Variants in MYO16 observed in about 807,000 individuals in gnomAD.
MYO16 encodes the protein unconventional myosin-XVI.
MYO16 carries 94 observed loss-of-function variants against 205.3 expected under a neutral mutation model. That is an observed-to-expected ratio of 0.46 (90% CI 0.39 to 0.54). MYO16 has a LOEUF of 0.54. Among genes scored for constraint, MYO16 ranks in the 20% least tolerant of loss-of-function variants. The pLI is 0.00. For missense variants in MYO16, 2,315 were observed against 2,387.5 expected, an observed-to-expected ratio of 0.97 and a Z score of 0.63; for synonymous variants, 988 against 954.0, an observed-to-expected ratio of 1.04 and a Z score of -0.66.
At chr13:108,988,723 C>T (rs916550025) in intron 20 of MYO16, among the ~76,000 whole-genome samples, 1 of 152,106 alleles carries the variant, frequency 6.6e-6, no homozygotes, top group Non-Finnish European at 1.5e-5. Flanking sequence ...GCTCTTTTCC[C>T]TAAATTCTAT....
intron 20 of MYO16, among the ~76,000 whole-genome samples, chr13:108,990,945 G>A (rs1176561950): frequency 3.9e-5 from 6 of 152,044 alleles, no homozygotes; most frequent in South Asian, 2.1e-4. Flanking sequence ...TTGTTCTGCC[G>A]TTTGGAAAAA....
Position 109,100,793 on chromosome 13 carries a change from C to T in MYO16, c.3344C>T (p.Pro1115Leu), listed in dbSNP as rs528141862. Residue 1115 changes from proline (P) to leucine (L), a missense_variant, in exon 28 of 35, where the codon CCA (proline) becomes CTA (leucine). Coordinates refer to ENST00000457511, the MANE Select transcript of MYO16 (RefSeq NM_001198950.3). ...TCTGCTGCTTTTCACAGGTATAAGC[C>T]ACTGGCTGATACATTCCTGCGTGAG... ...SFSDFLSRYKPLADTFLREKK... is the reference protein window; with the variant it reads ...SFSDFLSRYKLLADTFLREKK... 8 of 1,612,234 alleles carry T rather than the reference C, an allele frequency of 5.0e-6. No individual in the cohort carries two copies. In the South Asian group the frequency reaches 7.7e-5, roughly 16 times the overall value.
intron 4 of MYO16, among the ~76,000 whole-genome samples, chr13:108,731,905 A>C (rs1884535235): frequency 6.6e-6 from 1 of 152,242 alleles, no homozygotes; most frequent in Non-Finnish European, 1.5e-5. Flanking sequence ...GAAAACAAAC[A>C]ATGCAATTAA....
chr13:108,502,616 G>A, the MYO16 span, among the ~76,000 whole-genome samples: 1 of 152,090 alleles, frequency 6.6e-6, no homozygotes, highest in African/African-American at 2.4e-5. Context: ...AACCCAGGAG[G>A]CTAAAAACTG....
chr13:108,950,886 A>G (rs1883120283), intron 16 of MYO16, among the ~76,000 whole-genome samples: 2 of 152,338 alleles, frequency 1.3e-5, no homozygotes, highest in South Asian at 2.1e-4. Flanking sequence ...TTAGCCGTAC[A>G]CAGCATGAAT....
chr13:108,903,647 G>C (rs1479196367), intron 15 of MYO16, among the ~76,000 whole-genome samples: 5 of 152,148 alleles, frequency 3.3e-5, no homozygotes, highest in African/African-American at 1.2e-4. Flanking sequence ...AATAGGCACT[G>C]AACACTTTAA....
At position 109,140,140 on chromosome 13, in the gene MYO16, C is replaced by A; in HGVS notation, c.4052-124C>A. On this transcript the variant is annotated intron_variant, in intron 31 of 34. Coordinates refer to ENST00000457511, the MANE Select transcript of MYO16 (RefSeq NM_001198950.3). This position sits in a 1 kb window ranked among gnomAD's most constrained non-coding sequence, Gnocchi z 8.0. Reference sequence around the variant, plus strand: ...GGAGCCTAGTGGGTGGAGGAACATGCAGGCCCGGTCCCTTGGGATTCTCGG... The same window carrying A: ...GGAGCCTAGTGGGTGGAGGAACATGAAGGCCCGGTCCCTTGGGATTCTCGG... The A allele has an allele frequency of 6.9e-7, 1 of 1,457,498 alleles. No homozygotes were observed. Among genetic ancestry groups the A allele is most frequent in the Non-Finnish European group, 9.0e-7 (1 of 1,113,044 alleles). 90.3% of individuals were successfully genotyped at this position (1,457,498 alleles called of 1,614,324 possible). A position where few individuals can be genotyped will look rare whatever the true frequency, so the allele number is the denominator to read the frequency against.
chr13:108,823,449 T>G (rs1352335998), intron 9 of MYO16, among the ~76,000 whole-genome samples, 171 bp downstream of exon 9: 2 of 152,142 alleles, frequency 1.3e-5, no homozygotes, highest in African/African-American at 4.8e-5. Flanking sequence ...TAATTTTATT[T>G]TATAAAAACC....
rs1180845700 is a variant in MYO16, at chr13:108,869,527, A to G, written c.1425+3285A>G. ...ATCACGAGGTCAGGAGATCGAGACC[A>G]TCCTGGCTAACACGATGAAACCCCG... On this transcript the variant is annotated intron_variant, in intron 12 of 34. Transcript: ENST00000457511. Among the ~76,000 whole-genome samples the G allele has an allele frequency of 2.7e-5, 4 of 150,676 alleles. No homozygotes were observed. In the South Asian group the frequency reaches 8.4e-4, roughly 32 times the overall value.
intron 12 of MYO16, among the ~76,000 whole-genome samples, chr13:108,875,383 G>A (rs1879276448): frequency 6.6e-6 from 1 of 152,148 alleles, no homozygotes; most frequent in Admixed American, 6.5e-5. Context: ...AACAGGGACT[G>A]CATAAGTGGA....
At chr13:109,056,321 T>C (rs1236368419) in intron 27 of MYO16, among the ~76,000 whole-genome samples, 1 of 152,156 alleles carries the variant, frequency 6.6e-6, no homozygotes, top group African/African-American at 2.4e-5. Flanking sequence ...CCCAGCCATT[T>C]GCAAGAAGCA....
At chr13:108,630,021 G>A in intron 1 of MYO16, 149 bp downstream of exon 1, 2 of 565,818 alleles carry the variant, frequency 3.5e-6, no homozygotes, top group Admixed American at 2.9e-5. Flanking sequence ...TTTACAGGCT[G>A]GATATATTTC....
rs34317737 is a variant in MYO16 at position 109,127,859 on chromosome 13, TA to T, written c.4051+328del. ...ATGTAAAGGTTCACCAATGAGAAAG[TA>T]AAAAAAAAAAAAAAAAAACTGCTTC... is the stretch of plus-strand genomic sequence containing the variant. On this transcript the variant is annotated intron_variant, in intron 31 of 34. Transcript: ENST00000457511. This position sits in a 1 kb window ranked among gnomAD's most constrained non-coding sequence, Gnocchi z 4.2. Among the ~76,000 whole-genome samples, 97,762 of 132,608 alleles carry T rather than the reference TA, an allele frequency of 0.74. 35,474 individuals are homozygous for T. Among genetic ancestry groups the T allele is most frequent in the East Asian group, 0.84 (3,725 of 4,446 alleles). 87.0% of individuals were successfully genotyped at this position (132,608 alleles called of 152,430 possible).
intron 33 of MYO16, among the ~76,000 whole-genome samples, chr13:109,169,072 G>C (rs1878819633): frequency 6.6e-6 from 1 of 152,120 alleles, no homozygotes; most frequent in South Asian, 2.1e-4. Flanking sequence ...CACACTCTGT[G>C]CCCAAGTGTA....
intron 34 of MYO16, among the ~76,000 whole-genome samples, chr13:109,187,027 T>C (rs2139934479): frequency 6.6e-6 from 1 of 152,348 alleles, no homozygotes; most frequent in South Asian, 2.1e-4. Flanking sequence ...GGTAAACACT[T>C]GGTTTAATTA....
chr13:109,140,573 A>C lies in MYO16; in HGVS notation c.4361A>C (p.Tyr1454Ser). ...PDSPDPGESV[Y>S]EEMKCCLPDD... ...AGCCCGGACCCCGGGGAGTCCGTGT[A>C]CGAGGAGATGAAGTGTTGCCTGCCC... The change falls in exon 32 of 35, where the codon TAC becomes TCC. Residue 1454 changes from tyrosine (Y) to serine (S), a missense_variant. Transcript: ENST00000457511. This position sits in a 1 kb window ranked among gnomAD's most constrained non-coding sequence, Gnocchi z 8.0. The C allele has an allele frequency of 6.5e-7, 1 of 1,535,320 alleles. No individual in the cohort carries two copies. The highest frequency in any genetic ancestry group is 8.7e-7 in the Non-Finnish European group (1 of 1,147,588).
intron 27 of MYO16, among the ~76,000 whole-genome samples, chr13:109,071,234 G>A (rs9301345): frequency 0.5 from 75,986 of 151,788 alleles, 19,027 homozygotes; most frequent in Middle Eastern, 0.55. Context: ...AAATATTTTC[G>A]CATTTATGAC....
At chr13:108,717,423 G>T (rs1594236673) in intron 3 of MYO16, among the ~76,000 whole-genome samples, 1 of 152,040 alleles carries the variant, frequency 6.6e-6, no homozygotes, top group Admixed American at 6.5e-5. Context: ...GAGGTCAGGA[G>T]ATCGAGACCA....
intron 34 of MYO16, among the ~76,000 whole-genome samples, chr13:109,184,820 G>A (rs1879617814): frequency 6.6e-6 from 1 of 151,920 alleles, no homozygotes; most frequent in Admixed American, 6.6e-5. Context: ...CCGGGCTGGA[G>A]TGCAGTGGCA....
Sources: allele counts gnomAD v4.1 joint callset (sites outside exome capture counted in the v4.1 genomes callset), GRCh38; gene constraint gnomAD v4.1.1; non-coding constraint Gnocchi (gnomAD v3.1); transcripts MANE v1.5; gene names NCBI Gene and HGNC (gene_info 2026-07-23, HGNC 2026-07-21).